MCUR1: variants seen among roughly 807,000 people sequenced by gnomAD.
The protein encoded by MCUR1 is MCU regulator 1.
Under a neutral mutation model 42.0 loss-of-function variants are expected in MCUR1, and 37 were observed. That is an observed-to-expected ratio of 0.88 (90% CI 0.68 to 1.16). The LOEUF (loss-of-function observed/expected upper bound fraction) is 1.16, where lower values mean the gene tolerates loss of function less well. Ranked by LOEUF, MCUR1 falls within the 50% of genes most tolerant of loss-of-function variation. The pLI is 0.00. For missense variants in MCUR1, 469 were observed against 468.4 expected (o/e 1.00, Z -0.01); for synonymous variants, 229 against 196.2 (o/e 1.17, Z -1.40).
intron 1 of MCUR1, among the ~76,000 whole-genome samples, chr6:13,810,350 AGAT>A (rs1443588436): frequency 1.3e-5 from 2 of 152,220 alleles, no homozygotes; most frequent in African/African-American, 2.4e-5. Flanking sequence ...AGAAAAAAAA[AGAT>A]GAACAATCAA....
At chr6:13,792,743 C>T (rs569437498) in intron 7 of MCUR1, among the ~76,000 whole-genome samples, 1 of 152,048 alleles carries the variant, frequency 6.6e-6, no homozygotes, top group Non-Finnish European at 1.5e-5. Context: ...CCTATGGCTA[C>T]CAATTCAGGC....
At chr6:13,813,802 A>G (rs1760292308) in intron 1 of MCUR1, among the ~76,000 whole-genome samples, 1 of 152,134 alleles carries the variant, frequency 6.6e-6, no homozygotes, top group South Asian at 2.1e-4. Flanking sequence ...CGGGATTCCC[A>G]GGAATTCGTC....
In MCUR1 at chr6:13,789,802, T is replaced by A. The variant is rs1228982481; in HGVS notation, c.*1007A>T. On this transcript the variant is annotated 3_prime_UTR_variant, in exon 9 of 9. Coordinates refer to ENST00000379170, the MANE Select transcript of MCUR1 (RefSeq NM_001031713.4). ...GTGGAGGATTATTACAGTTCTCAAATCATGAGGGAAAGAGATGGAGAAGAG... is the reference window on the plus strand; with the variant it reads ...GTGGAGGATTATTACAGTTCTCAAAACATGAGGGAAAGAGATGGAGAAGAG... 2 of 151,970 alleles carry A rather than the reference T, an allele frequency of 1.3e-5. No individual in the cohort carries two copies. The allele number at this position is 151,970 out of a possible 1,614,324, so 9.4% of individuals were successfully genotyped here. A position where few individuals can be genotyped will look rare whatever the true frequency, so the allele number is the denominator to read the frequency against.
At chr6:13,808,737 C>T (rs1385590191) in intron 1 of MCUR1, among the ~76,000 whole-genome samples, 1 of 152,102 alleles carries the variant, frequency 6.6e-6, no homozygotes, top group Non-Finnish European at 1.5e-5. Context: ...ATGTAGATAT[C>T]TAGTTGTCCC....
At position 13,791,865 on chromosome 6, in the gene MCUR1, C is replaced by T; in HGVS notation, c.1024+13G>A. On this transcript the variant is annotated intron_variant, in intron 8 of 8. Coordinates refer to ENST00000379170, the MANE Select transcript of MCUR1 (RefSeq NM_001031713.4). ...CTTTTCAGGTTGATTTAAATAGATA[C>T]AAAATAGCTTACCTGCTAAATATTT... 6.3e-7 allele frequency: 1 copy of T among 1,578,104 alleles called. No homozygotes were observed.
chr6:13,807,134 C>T, intron 1 of MCUR1, 90 bp from the exon 2 acceptor site: 1 of 1,391,428 alleles, frequency 7.2e-7, no homozygotes, highest in Non-Finnish European at 9.6e-7. Context: ...TACCCCAAAG[C>T]CTTCGTGGTA....
chr6:13,803,889 C>G, intron 2 of MCUR1: 1 of 982,594 alleles, frequency 1.0e-6, no homozygotes, highest in Non-Finnish European at 1.2e-6. Flanking sequence ...TCCTAACACT[C>G]TGGGAGACCA....
chr6:13,812,546 CA>C (rs1760260577), intron 1 of MCUR1, among the ~76,000 whole-genome samples: 1 of 152,138 alleles, frequency 6.6e-6, no homozygotes, highest in Non-Finnish European at 1.5e-5. Flanking sequence ...CAACAAAAGG[CA>C]AAATACAGAA....
chr6:13,804,269 G>A, intron 2 of MCUR1: 1 of 172,228 alleles, frequency 5.8e-6, no homozygotes, highest in South Asian at 7.8e-5. Context: ...GTTGCAGTAG[G>A]CCAAGACTGT....
rs1370395640 is a variant in MCUR1 at position 13,788,510 on chromosome 6, A to G, written c.*2299T>C. 1 of 152,218 alleles carries G rather than the reference A, an allele frequency of 6.6e-6. No homozygotes were observed. The highest frequency in any genetic ancestry group is 1.5e-5 in the Non-Finnish European group (1 of 68,042). The allele number at this position is 152,218 out of a possible 1,614,324, so 9.4% of individuals were successfully genotyped here. ...ATGTGAGAAAACTTATAGCAGATGC[A>G]AAAATGTCAACCCACCATGTTATTT... On this transcript the variant is annotated 3_prime_UTR_variant, in exon 9 of 9. Coordinates refer to ENST00000379170, the MANE Select transcript of MCUR1 (RefSeq NM_001031713.4).
chr6:13,801,461 T>A, intron 3 of MCUR1, 72 bp from the exon 4 acceptor site: 1 of 1,012,028 alleles, frequency 9.9e-7, no homozygotes, highest in Non-Finnish European at 1.5e-6. Flanking sequence ...CTCAATGTGC[T>A]ATCTTCTTAT....
At position 13,813,530 on chromosome 6, in the gene MCUR1, C is replaced by T. The variant is rs567911788; in HGVS notation, c.415+485G>A. Among the ~76,000 whole-genome samples the T allele has an allele frequency of 3.3e-5, 5 of 152,292 alleles. No individual in the cohort carries two copies. In the South Asian group the frequency reaches 8.3e-4, roughly 25 times the overall value. ...TTGTGGACTGATATATCTCACACAT[C>T]TAGAAAAGCGCCAGGGACAGGGCAG... On this transcript the variant is annotated intron_variant, in intron 1 of 8. Transcript: ENST00000379170.
chr6:13,804,042 T>C lies in MCUR1; in HGVS notation c.536-1696A>G, dbSNP rs1489598781. 3 of 975,490 alleles carry C rather than the reference T, an allele frequency of 3.1e-6. No individual in the cohort carries two copies. The East Asian group carries it at 3.4e-4, about 111-fold the overall frequency. 60.4% of individuals were successfully genotyped at this position (975,490 alleles called of 1,614,324 possible). A position where few individuals can be genotyped will look rare whatever the true frequency, so the allele number is the denominator to read the frequency against. On this transcript the variant is annotated intron_variant, in intron 2 of 8. Transcript: ENST00000379170. ...TTTAAACATAATTAGGTTTGGCAAC[T>C]GGACACAGTGGTTCACGCCTGTAAT...
At chr6:13,793,402 C>T (rs1759779492) in intron 7 of MCUR1, among the ~76,000 whole-genome samples, 1 of 152,094 alleles carries the variant, frequency 6.6e-6, no homozygotes, top group Non-Finnish European at 1.5e-5. Flanking sequence ...GAAAATGTGG[C>T]ATATACATAT....
intron 7 of MCUR1, 66 bp downstream of exon 7, chr6:13,793,828 A>G (rs1759790940): frequency 7.3e-7 from 1 of 1,376,878 alleles, no homozygotes; most frequent in Admixed American, 1.7e-5. Context: ...CATTACAAAC[A>G]ACCATGCATG....
chr6:13,799,831 T>TC (rs1759949711), intron 5 of MCUR1, among the ~76,000 whole-genome samples: 2 of 112,388 alleles, frequency 1.8e-5, no homozygotes, highest in African/African-American at 1.1e-4. Context: ...AATTTTCTTT[T>TC]TTTTTTTTTT....
In MCUR1 at chr6:13,787,884, C is replaced by CA. The variant is rs1464599469; in HGVS notation, c.*2924dup. 1 of 152,144 alleles carries CA rather than the reference C, an allele frequency of 6.6e-6. No individual in the cohort carries two copies. The highest frequency in any genetic ancestry group is 1.5e-5 in the Non-Finnish European group (1 of 68,070). The allele number at this position is 152,144 out of a possible 1,614,324, so 9.4% of individuals were successfully genotyped here. ...ATTTACTTATTTATTTATTTTGAGA[C>CA]AGAGTCTCACTGTGTCGCCCAGGCA... On this transcript the variant is annotated 3_prime_UTR_variant, in exon 9 of 9. Transcript: ENST00000379170.
At position 13,800,279 on chromosome 6, in the gene MCUR1, T is replaced by C. The variant is rs1759961771; in HGVS notation, c.783+62A>G. The C allele has an allele frequency of 3.7e-6, 4 of 1,092,824 alleles. No individual in the cohort carries two copies. The South Asian group carries it at 6.1e-5, about 17-fold the overall frequency. The allele number at this position is 1,092,824 out of a possible 1,614,324, so 67.7% of individuals were successfully genotyped here. A position where few individuals can be genotyped will look rare whatever the true frequency, so the allele number is the denominator to read the frequency against. ...TTTTAAAAACATCCATTTCTAATAT[T>C]ATACTTATTAATAAGTTTATATAAT... is the stretch of plus-strand genomic sequence containing the variant. On this transcript the variant is annotated intron_variant, in intron 5 of 8. Transcript: ENST00000379170.
chr6:13,812,986 C>T (rs1260059170), intron 1 of MCUR1, among the ~76,000 whole-genome samples: 1 of 152,186 alleles, frequency 6.6e-6, no homozygotes, highest in Admixed American at 6.5e-5. Flanking sequence ...GGGGCACACA[C>T]GACAGTGGTC....
Sources: gnomAD v4.1 joint callset for allele counts (sites outside exome capture counted in the v4.1 genomes callset) on GRCh38, gnomAD v4.1.1 for gene constraint, MANE v1.5 for transcripts, NCBI Gene and HGNC (gene_info 2026-07-23, HGNC 2026-07-21) for gene names.